Variants in ETNPPL observed in about 807,000 individuals in gnomAD.
ETNPPL encodes alanine--glyoxylate aminotransferase 2-like 1.
A neutral mutation model predicts 55.5 loss-of-function variants in ETNPPL; 30 were observed. The ratio of observed to expected loss-of-function variants is 0.54; its 90% confidence interval spans 0.40 to 0.73. The LOEUF (loss-of-function observed/expected upper bound fraction) is 0.73. ETNPPL is among the 30% of genes least tolerant of loss of function. ETNPPL has a pLI of 0.00. For synonymous variants in ETNPPL, 202 were observed against 207.2 expected (o/e 0.98, Z 0.21); for missense variants, 528 against 607.9 (o/e 0.87, Z 1.38).
At chr4:108,743,276 C>T (rs969838143) in intron 12 of ETNPPL, among the ~76,000 whole-genome samples, 2 of 152,188 alleles carry the variant, frequency 1.3e-5, no homozygotes, top group African/African-American at 4.8e-5. Flanking sequence ...TGGCAAGGCC[C>T]TCTGCTGGAA....
chr4:108,754,560 G>T lies in ETNPPL; in HGVS notation c.501+60C>A. The T allele has an allele frequency of 6.6e-6, 6 of 913,328 alleles. No homozygotes were observed. In the South Asian group the frequency reaches 7.2e-5, roughly 11 times the overall value. 56.6% of individuals were successfully genotyped at this position (913,328 alleles called of 1,614,324 possible). A position where few individuals can be genotyped will look rare whatever the true frequency, so the allele number is the denominator to read the frequency against. ...TTCATCTAGATGAAAGCATTGGCTGGATTATCATTAAGCATTCCTCCAATA... is the reference window on the plus strand; with the variant it reads ...TTCATCTAGATGAAAGCATTGGCTGTATTATCATTAAGCATTCCTCCAATA... On this transcript the variant is annotated intron_variant, in intron 5 of 12. Transcript: ENST00000296486.
intron 3 of ETNPPL, among the ~76,000 whole-genome samples, chr4:108,756,846 AC>A (rs944749747): frequency 2.6e-5 from 4 of 152,174 alleles, no homozygotes; most frequent in Admixed American, 6.6e-5. Context: ...ACAAAAAAAA[AC>A]ATTTAGGATG....
intron 6 of ETNPPL, among the ~76,000 whole-genome samples, chr4:108,751,298 C>G (rs1244732576): frequency 6.6e-6 from 1 of 152,198 alleles, no homozygotes; most frequent in South Asian, 2.1e-4. Context: ...TTACATGCAG[C>G]AGTTTCATTA....
At position 108,748,058 on chromosome 4, in the gene ETNPPL, G is replaced by T. The variant is rs745355555; in HGVS notation, c.1029C>A (p.Leu343=). The change falls in exon 9 of 13, where the codon CTC becomes CTA. Residue 343 remains leucine (L), a synonymous_variant. Coordinates refer to ENST00000296486, the MANE Select transcript of ETNPPL (RefSeq NM_031279.4). ...QGNAKRVGNY[L]TELLKKQKAK... is the part of the protein sequence containing the mutation. Reference sequence around the variant, plus strand: ...CCTTCTGTTTTTTCAGTAACTCAGTGAGATAATTCCCTACTCTCTTGGCAT... The same window carrying T: ...CCTTCTGTTTTTTCAGTAACTCAGTTAGATAATTCCCTACTCTCTTGGCAT... The T allele has an allele frequency of 6.2e-7, 1 of 1,611,628 alleles. No homozygotes were observed. Among genetic ancestry groups the T allele is most frequent in the Non-Finnish European group, 8.5e-7 (1 of 1,178,844 alleles).
intron 1 of ETNPPL, among the ~76,000 whole-genome samples, chr4:108,761,485 A>T (rs1347234759): frequency 2.0e-5 from 3 of 152,170 alleles, no homozygotes; most frequent in Non-Finnish European, 2.9e-5. Context: ...TACAAGTTAA[A>T]ATCCAAAAAA....
chr4:108,754,550 G>T, intron 5 of ETNPPL, 70 bp downstream of exon 5: 1 of 861,110 alleles, frequency 1.2e-6, no homozygotes, highest in Non-Finnish European at 1.9e-6. Context: ...CTAGATGAAA[G>T]CATTGGCTGG....
At chr4:108,762,374 G>A (rs1392103293) in intron 1 of ETNPPL, 1 of 476,462 alleles carries the variant, frequency 2.1e-6, no homozygotes, top group African/African-American at 2.0e-5. Flanking sequence ...CATGCAAGAA[G>A]AAAAAGCTCA....
chr4:108,746,755 GA>G lies in ETNPPL; in HGVS notation c.1172+6del. On this transcript the variant is annotated splice_donor_region_variant and intron_variant, in intron 10 of 12. Coordinates refer to ENST00000296486, the MANE Select transcript of ETNPPL (RefSeq NM_031279.4). ...ATACCAAACAGGTGGGTGTGGGGGT[GA>G]ATTACTTGTAGATGATGTGCTGAGC... is the stretch of plus-strand genomic sequence containing the variant. 1 of 1,612,606 alleles carries G rather than the reference GA, an allele frequency of 6.2e-7. No individual in the cohort carries two copies. Among genetic ancestry groups the G allele is most frequent in the Non-Finnish European group, 8.5e-7 (1 of 1,178,688 alleles).
chr4:108,755,599 T>C (rs1480864750), intron 4 of ETNPPL, among the ~76,000 whole-genome samples: 2 of 152,042 alleles, frequency 1.3e-5, no homozygotes, highest in Admixed American at 1.3e-4. Context: ...GGTGGATCAC[T>C]TAAGGTCAGG....
intron 3 of ETNPPL, among the ~76,000 whole-genome samples, chr4:108,758,262 T>C (rs1299588564): frequency 4.6e-5 from 7 of 151,982 alleles, no homozygotes; most frequent in Non-Finnish European, 1.5e-5. Context: ...AGTGCTGGGA[T>C]TACAGGCATG....
intron 11 of ETNPPL, among the ~76,000 whole-genome samples, chr4:108,744,611 T>A (rs1728377850): frequency 6.6e-6 from 1 of 152,116 alleles, no homozygotes; most frequent in Non-Finnish European, 1.5e-5. Flanking sequence ...CTCTCAAGTT[T>A]CCAAACATTC....
chr4:108,751,827 A>G (rs1041897769), intron 6 of ETNPPL, among the ~76,000 whole-genome samples: 1 of 152,256 alleles, frequency 6.6e-6, no homozygotes, highest in Non-Finnish European at 1.5e-5. Flanking sequence ...CACTGATCTT[A>G]TATTTGTTCA....
In ETNPPL at chr4:108,742,338, T is replaced by C. The variant is rs1304736715; in HGVS notation, c.*146A>G. 3 of 754,360 alleles carry C rather than the reference T, an allele frequency of 4.0e-6. No homozygotes were observed. The highest frequency in any genetic ancestry group is 6.5e-6 in the Non-Finnish European group (3 of 461,272). The allele number at this position is 754,360 out of a possible 1,614,324, so 46.7% of individuals were successfully genotyped here. A position where few individuals can be genotyped will look rare whatever the true frequency, so the allele number is the denominator to read the frequency against. ...CATGGTTTGATTATCACTTGGTTTA[T>C]TCTGATTACTCATTTACCTTTTCAT... On this transcript the variant is annotated 3_prime_UTR_variant, in exon 13 of 13. Coordinates refer to ENST00000296486, the MANE Select transcript of ETNPPL (RefSeq NM_031279.4).
Position 108,747,139 on chromosome 4 carries a change from TATATATATA to T in ETNPPL, c.1083-297_1083-289del, listed in dbSNP as rs1451806655. On this transcript the variant is annotated intron_variant, in intron 9 of 12. Transcript: ENST00000296486. ...AATGTTAACATTATATATATATATATATATATATAATATATATATATATATTATATATAT... is the reference window on the plus strand; with the variant it reads ...AATGTTAACATTATATATATATATATATATATATATATATATTATATATAT... Among the ~76,000 whole-genome samples the T allele has an allele frequency of 2.0e-3, 54 of 27,670 alleles. 5 individuals carry two copies. Among genetic ancestry groups the T allele is most frequent in the African/African-American group, 8.9e-3 (45 of 5,038 alleles). 18.2% of individuals were successfully genotyped at this position (27,670 alleles called of 152,430 possible).
intron 8 of ETNPPL, 95 bp downstream of exon 8, chr4:108,749,143 C>A: frequency 1.1e-6 from 1 of 885,566 alleles, no homozygotes; most frequent in Non-Finnish European, 1.7e-6. Context: ...GGTTAGCCGG[C>A]AATACTGAGC....
rs879878228 is a variant in ETNPPL at position 108,753,777 on chromosome 4, AAAG to A, written c.502-769_502-767del. Reference sequence around the variant, plus strand: ...GAAAGAAAGAAAGAAAGAAAGAAAGAAAGAAAGAAAGAAAGAAAGAAAGAAAGA... The same window carrying A: ...GAAAGAAAGAAAGAAAGAAAGAAAGAAAAGAAAGAAAGAAAGAAAGAAAGA... On this transcript the variant is annotated intron_variant, in intron 5 of 12. Transcript: ENST00000296486. Among the ~76,000 whole-genome samples the A allele has an allele frequency of 5.2e-4, 68 of 130,804 alleles. 2 individuals carry two copies. The highest frequency in any genetic ancestry group is 1.4e-3 in the East Asian group (5 of 3,594). 85.8% of individuals were successfully genotyped at this position (130,804 alleles called of 152,430 possible).
Position 108,759,822 on chromosome 4 carries a change from T to C in ETNPPL, c.262A>G (p.Ile88Val), listed in dbSNP as rs1034727796. The C allele has an allele frequency of 4.3e-6, 7 of 1,614,008 alleles. No individual in the cohort carries two copies. Among genetic ancestry groups the C allele is most frequent in the Non-Finnish European group, 5.1e-6 (6 of 1,179,994 alleles). ...GAAAGGCGTTTGGCATACTCAACAA[T>C]GTTGTCGTGGAGGAATCGAGAATTT... The part of the protein sequence containing the change: ...NTNSRFLHDN[I>V]VEYAKRLSAT... Residue 88 changes from isoleucine to valine, a missense_variant, in exon 3 of 13, where the codon ATT (isoleucine) becomes GTT (valine). Physicochemically the swap from Ile to Val is conservative, Grantham distance 29. Coordinates refer to ENST00000296486, the MANE Select transcript of ETNPPL (RefSeq NM_031279.4).
chr4:108,755,816 G>A (rs1207428113), intron 4 of ETNPPL, among the ~76,000 whole-genome samples: 8 of 141,926 alleles, frequency 5.6e-5, no homozygotes, highest in African/African-American at 1.2e-4. Context: ...GCGAGACTCC[G>A]TCTCAAAACA....
rs1429184293 is a variant in ETNPPL, at chr4:108,759,811, A to G, written c.273T>C (p.Tyr91=). 2.4e-5 allele frequency: 38 copies of G among 1,614,096 alleles called. No individual in the cohort carries two copies. The highest frequency in any genetic ancestry group is 3.1e-5 in the Non-Finnish European group (37 of 1,180,040). ...GCAGAGTTGCTGAAAGGCGTTTGGC[A>G]TACTCAACAATGTTGTCGTGGAGGA... is the stretch of plus-strand genomic sequence containing the variant. ...SRFLHDNIVE[Y]AKRLSATLPE... Residue 91 remains tyrosine, a synonymous_variant, in exon 3 of 13, where the codon TAT becomes TAC. Coordinates refer to ENST00000296486, the MANE Select transcript of ETNPPL (RefSeq NM_031279.4).
Sources: gnomAD v4.1 joint callset for allele counts (sites outside exome capture counted in the v4.1 genomes callset) on GRCh38, gnomAD v4.1.1 for gene constraint, MANE v1.5 for transcripts, NCBI Gene and HGNC (gene_info 2026-07-23, HGNC 2026-07-21) for gene names.